PCSK5: variants seen among roughly 807,000 people sequenced by gnomAD.
PCSK5 encodes proprotein convertase subtilisin/kexin type 5, also known as prohormone convertase 5.
A neutral mutation model predicts 233.2 loss-of-function variants in PCSK5; 129 were observed. The observed-to-expected ratio is 0.55, with a 90% CI of 0.48 to 0.64. PCSK5 has a LOEUF of 0.64. Among genes scored for constraint, PCSK5 ranks in the 30% least tolerant of loss-of-function variants. PCSK5 has a pLI of 0.00. For missense variants in PCSK5, 2,076 were observed against 2,430.1 expected, an observed-to-expected ratio of 0.85 and a Z score of 3.06; for synonymous variants, 825 against 879.2, an observed-to-expected ratio of 0.94 and a Z score of 1.09.
chr9:76,230,545 G>A (rs1056963828), intron 21 of PCSK5, among the ~76,000 whole-genome samples: 3 of 152,102 alleles, frequency 2.0e-5, no homozygotes, highest in African/African-American at 4.8e-5. Flanking sequence ...CAAACTCCAG[G>A]CCATGAACTG....
intron 9 of PCSK5, among the ~76,000 whole-genome samples, chr9:76,123,810 C>T (rs901052878): frequency 3.3e-5 from 5 of 152,170 alleles, no homozygotes; most frequent in Admixed American, 2.6e-4. Context: ...TCTGTATTCA[C>T]TCATGAAGGA....
intron 3 of PCSK5, among the ~76,000 whole-genome samples, chr9:76,019,403 G>A (rs1050591631): frequency 6.6e-6 from 1 of 151,646 alleles, no homozygotes; most frequent in African/African-American, 2.4e-5. Context: ...TTATTTTCTT[G>A]TTAATGTTGT....
At chr9:76,271,283 T>C (rs1239976045) in intron 24 of PCSK5, among the ~76,000 whole-genome samples, 1 of 152,216 alleles carries the variant, frequency 6.6e-6, no homozygotes, top group Non-Finnish European at 1.5e-5. Flanking sequence ...GAATTAGATC[T>C]CTGAACTGCG....
At chr9:76,004,453 CT>C (rs1438684906) in intron 3 of PCSK5, among the ~76,000 whole-genome samples, 2 of 151,990 alleles carry the variant, frequency 1.3e-5, no homozygotes, top group African/African-American at 4.8e-5. Flanking sequence ...TATGGTTTGT[CT>C]TTGTAATTAA....
At chr9:76,139,955 A>G (rs1317198086) in intron 10 of PCSK5, among the ~76,000 whole-genome samples, 3 of 152,118 alleles carry the variant, frequency 2.0e-5, no homozygotes, top group African/African-American at 7.2e-5. Context: ...TCTTTCATCC[A>G]AAATGCCCAC....
chr9:76,296,467 C>T (rs1436329525), intron 26 of PCSK5, among the ~76,000 whole-genome samples, 198 bp from the exon 27 acceptor site: 6 of 152,046 alleles, frequency 3.9e-5, no homozygotes, highest in East Asian at 1.9e-4. Context: ...TGCTTGAACC[C>T]GGGAGGTGGA....
intron 5 of PCSK5, among the ~76,000 whole-genome samples, chr9:76,031,665 G>T (rs940173838): frequency 6.6e-6 from 1 of 152,052 alleles, no homozygotes; most frequent in Admixed American, 6.6e-5. Context: ...CTCCAGCCTG[G>T]GCGAAAGAGC....
At chr9:76,251,780 T>C (rs1255345625) in intron 24 of PCSK5, among the ~76,000 whole-genome samples, 1 of 152,040 alleles carries the variant, frequency 6.6e-6, no homozygotes, top group South Asian at 2.1e-4. Context: ...TTCTCATTTT[T>C]CAGCTGAAGA....
At chr9:76,193,745 A>G (rs1824544070) in intron 20 of PCSK5, 1 of 161,612 alleles carries the variant, frequency 6.2e-6, no homozygotes. Flanking sequence ...CCTTTGAAAC[A>G]CCTAAAAATA....
intron 10 of PCSK5, among the ~76,000 whole-genome samples, chr9:76,137,155 A>G (rs1401806602): frequency 2.0e-5 from 3 of 152,108 alleles, no homozygotes; most frequent in Non-Finnish European, 4.4e-5. Flanking sequence ...TGAAGCAGCT[A>G]CTGGCTTGGA....
chr9:76,173,532 T>TTTTTTTTTTTTTTA (rs1823429915), intron 13 of PCSK5, among the ~76,000 whole-genome samples: 1 of 110,784 alleles, frequency 9.0e-6, no homozygotes, highest in East Asian at 2.6e-4. Context: ...TTTTTTTTTT[T>TTTTTTTTTTTTTTA]ACTTTTTGCA....
chr9:76,151,073 A>T (rs779898069), intron 10 of PCSK5, among the ~76,000 whole-genome samples: 3 of 151,194 alleles, frequency 2.0e-5, no homozygotes, highest in Non-Finnish European at 2.9e-5. Flanking sequence ...AACTTGGGAA[A>T]GCGTCCCAGG....
chr9:76,173,835 G>A (rs1823450408), intron 13 of PCSK5, among the ~76,000 whole-genome samples: 2 of 152,028 alleles, frequency 1.3e-5, no homozygotes, highest in Admixed American at 6.6e-5. Flanking sequence ...TTAGCTGAGT[G>A]TGGTGGGGGC....
intron 24 of PCSK5, among the ~76,000 whole-genome samples, chr9:76,280,898 G>A (rs112229722): frequency 0.024 from 3,138 of 133,004 alleles, 80 homozygotes; most frequent in South Asian, 0.075. Context: ...TGCTGATATG[G>A]AGAAAGTTTT....
At chr9:76,300,599 T>G (rs1216160721) in intron 27 of PCSK5, among the ~76,000 whole-genome samples, 3 of 152,336 alleles carry the variant, frequency 2.0e-5, no homozygotes, top group Non-Finnish European at 4.4e-5. Context: ...CACCATTATT[T>G]TGGCTTCTAT....
intron 12 of PCSK5, 139 bp downstream of exon 12, chr9:76,159,310 T>C: frequency 2.9e-6 from 2 of 692,114 alleles, no homozygotes; most frequent in Non-Finnish European, 4.8e-6. Context: ...ATCTCACTGC[T>C]CATAAGTAGA....
At chr9:76,040,385 G>C (rs5001796) in intron 5 of PCSK5, among the ~76,000 whole-genome samples, 13,683 of 79,138 alleles carry the variant, frequency 0.17, 1,001 homozygotes, top group East Asian at 0.33. Context: ...CTCTCTCTCT[G>C]TCTCTCTCTC....
At chr9:76,075,395 T>G (rs535565969) in intron 7 of PCSK5, among the ~76,000 whole-genome samples, 71 of 152,200 alleles carry the variant, frequency 4.7e-4, no homozygotes, top group African/African-American at 1.7e-3. Context: ...AAATTCAGTC[T>G]AGTTATCCGT....
chr9:76,198,399 T>G (rs899500322), intron 20 of PCSK5, among the ~76,000 whole-genome samples: 11 of 152,202 alleles, frequency 7.2e-5, no homozygotes, highest in Non-Finnish European at 1.6e-4. Context: ...TACAGTGTTT[T>G]AAGCTTCACA....
Sources: allele counts gnomAD v4.1 joint callset (sites outside exome capture counted in the v4.1 genomes callset), GRCh38; gene constraint gnomAD v4.1.1; transcripts MANE v1.5; gene names NCBI Gene and HGNC (gene_info 2026-07-23, HGNC 2026-07-21).